The following CTNND2 variants were observed in gnomAD, a reference collection of about 807,000 sequenced individuals.
The protein encoded by CTNND2 is catenin delta 2.
A neutral mutation model predicts 144.4 loss-of-function variants in CTNND2; 22 were observed. That is an observed-to-expected ratio of 0.15 (90% CI 0.11 to 0.22). The LOEUF (loss-of-function observed/expected upper bound fraction) is 0.22, where lower values mean the gene tolerates loss of function less well. Ranked by LOEUF, CTNND2 falls within the 10% of genes least tolerant of loss-of-function variation. The pLI, the probability that CTNND2 is intolerant of heterozygous loss-of-function variation, is 1.00. For missense variants in CTNND2, 1,353 were observed against 1,618.8 expected, an observed-to-expected ratio of 0.84 and a Z score of 2.82; for synonymous variants, 751 against 695.6, an observed-to-expected ratio of 1.08 and a Z score of -1.25.
chr5:11,277,182 T>A (rs1746625550), intron 9 of CTNND2, among the ~76,000 whole-genome samples: 2 of 152,162 alleles, frequency 1.3e-5, no homozygotes, highest in South Asian at 4.1e-4. Context: ...AAAATATTTT[T>A]AAAATAATCT....
intron 1 of CTNND2, among the ~76,000 whole-genome samples, chr5:11,826,066 A>T (rs549238396): frequency 6.6e-6 from 1 of 152,238 alleles, no homozygotes; most frequent in African/African-American, 2.4e-5. Context: ...GTAGACTAGT[A>T]GAAACAGTAA....
At chr5:11,855,177 G>C (rs1023128529) in intron 1 of CTNND2, among the ~76,000 whole-genome samples, 3 of 152,172 alleles carry the variant, frequency 2.0e-5, no homozygotes, top group Non-Finnish European at 4.4e-5. Context: ...AGGATTTGTG[G>C]AAAAGGCTTC....
At chr5:11,851,115 C>G (rs1794990809) in intron 1 of CTNND2, among the ~76,000 whole-genome samples, 1 of 152,182 alleles carries the variant, frequency 6.6e-6, no homozygotes, top group African/African-American at 2.4e-5. Flanking sequence ...ACTGGCCTGT[C>G]CCACAGATTT....
At chr5:11,874,469 G>A (rs184020326) in intron 1 of CTNND2, among the ~76,000 whole-genome samples, 7 of 152,150 alleles carry the variant, frequency 4.6e-5, no homozygotes, top group East Asian at 1.9e-4. Flanking sequence ...TACCAGCATC[G>A]CTACTCTTGT....
At chr5:11,536,659 A>C (rs1037477020) in intron 3 of CTNND2, among the ~76,000 whole-genome samples, 1 of 152,064 alleles carries the variant, frequency 6.6e-6, no homozygotes, top group Non-Finnish European at 1.5e-5. Context: ...CTCACTTGCA[A>C]GTTGGAGTTA....
chr5:11,881,688 T>C (rs1220024047), intron 1 of CTNND2, among the ~76,000 whole-genome samples: 1 of 152,120 alleles, frequency 6.6e-6, no homozygotes, highest in Non-Finnish European at 1.5e-5. Context: ...TTGTGAATAG[T>C]GCTGCAATAA....
chr5:11,240,395 C>CAACACACACACCA (rs2149905659), intron 9 of CTNND2, among the ~76,000 whole-genome samples: 1 of 128,832 alleles, frequency 7.8e-6, no homozygotes, highest in East Asian at 2.6e-4. Flanking sequence ...CTCACACACC[C>CAACACACACACCA]AACACACACA....
At position 11,903,232 on chromosome 5, in the gene CTNND2, C is replaced by T. The variant is rs1265669383; in HGVS notation, c.37+585G>A. On this transcript the variant is annotated intron_variant, in intron 1 of 21. Transcript: ENST00000304623. This position sits in a 1 kb window ranked among gnomAD's most constrained non-coding sequence, Gnocchi z 5.4. Reference sequence around the variant, plus strand: ...TCTATTGTCAGCACGCAGAAGCCCCCGAAACCTGTGAAGCCGGCTGCAAAG... The same window carrying T: ...TCTATTGTCAGCACGCAGAAGCCCCTGAAACCTGTGAAGCCGGCTGCAAAG... 9 of 985,340 alleles carry T rather than the reference C, an allele frequency of 9.1e-6. No individual in the cohort carries two copies. The highest frequency in any genetic ancestry group is 1.2e-4 in the Admixed American group (2 of 16,266). The allele number at this position is 985,340 out of a possible 1,614,324, so 61.0% of individuals were successfully genotyped here.
In CTNND2 at chr5:11,744,054, G is replaced by A. The variant is rs570912778; in HGVS notation, c.38-11782C>T. On this transcript the variant is annotated intron_variant, in intron 1 of 21. Transcript: ENST00000304623. ...ACGGTGCTCCTCATACAGGGGAGAC[G>A]CCTAAGCAGCCAGGCTCTAGCAAAC... Among the ~76,000 whole-genome samples, 9 of 152,276 alleles carry A rather than the reference G, an allele frequency of 5.9e-5. No individual in the cohort carries two copies. In the East Asian group the frequency reaches 1.5e-3, roughly 26 times the overall value.
At chr5:11,480,031 T>C (rs1768103030) in intron 3 of CTNND2, among the ~76,000 whole-genome samples, 1 of 152,206 alleles carries the variant, frequency 6.6e-6, no homozygotes, top group Admixed American at 6.5e-5. Context: ...CATTTGCCAA[T>C]TTTTGCTTTT....
chr5:11,356,745 T>C (rs771064308), intron 8 of CTNND2, among the ~76,000 whole-genome samples: 1 of 151,586 alleles, frequency 6.6e-6, no homozygotes, highest in Non-Finnish European at 1.5e-5. Context: ...GAAGACAATC[T>C]ATAGAATGCG....
chr5:11,662,263 G>GTATATATATACATATATA lies in CTNND2; in HGVS notation c.174+69872_174+69873insTATATATGTATATATATA, dbSNP rs1380327036. ...TATATACATATATGTGTGTATATAT[G>GTATATATATACATATATA]TGTGTGTGTGTATATATATATATAT... is the stretch of plus-strand genomic sequence containing the variant. On this transcript the variant is annotated intron_variant, in intron 2 of 21. Transcript: ENST00000304623. Among the ~76,000 whole-genome samples the GTATATATATACATATATA allele has an allele frequency of 9.6e-3, 1,179 of 123,000 alleles. 8 individuals are homozygous for GTATATATATACATATATA. The highest frequency in any genetic ancestry group is 0.015 in the Non-Finnish European group (921 of 60,644). The allele number at this position is 123,000 out of a possible 152,430, so 80.7% of individuals were successfully genotyped here.
At chr5:11,042,420 G>A (rs904136174) in intron 16 of CTNND2, among the ~76,000 whole-genome samples, 5 of 152,172 alleles carry the variant, frequency 3.3e-5, no homozygotes, top group Admixed American at 1.3e-4. Context: ...AGAGGACTTC[G>A]TAAACTAGAG....
intron 8 of CTNND2, among the ~76,000 whole-genome samples, chr5:11,348,437 C>CAAAAAAAAAAAAAAAAAAAA (rs3034056): frequency 3.5e-5 from 4 of 114,718 alleles, no homozygotes; most frequent in Admixed American, 9.3e-5. Context: ...AAATCAAGGG[C>CAAAAAAAAAAAAAAAAAAAA]AAAAAAAAAA....
At chr5:11,632,758 T>C (rs1781479361) in intron 2 of CTNND2, among the ~76,000 whole-genome samples, 1 of 152,084 alleles carries the variant, frequency 6.6e-6, no homozygotes, top group African/African-American at 2.4e-5. Context: ...AAGGAATATA[T>C]TATGATGACT....
rs61749842 is a variant in CTNND2, at chr5:11,385,527, G to A, written c.613-298C>T. Among the ~76,000 whole-genome samples the A allele has an allele frequency of 2.7e-3, 415 of 152,284 alleles. 3 individuals carry two copies. Among genetic ancestry groups the A allele is most frequent in the African/African-American group, 9.6e-3 (398 of 41,562 alleles). ...TTATTTCGGAAATAGCAGAAGCATCGCATTAGTCACATAAAGATTTTTAAA... is the reference window on the plus strand; with the variant it reads ...TTATTTCGGAAATAGCAGAAGCATCACATTAGTCACATAAAGATTTTTAAA... On this transcript the variant is annotated intron_variant, in intron 6 of 21. Transcript: ENST00000304623.
intron 1 of CTNND2, among the ~76,000 whole-genome samples, chr5:11,871,452 T>TA (rs1231689685): frequency 4.6e-5 from 7 of 152,098 alleles, no homozygotes; most frequent in African/African-American, 1.4e-4. Context: ...CTTGGAATAA[T>TA]AAAAAAGTGC....
chr5:11,261,271 G>T (rs565713672), intron 9 of CTNND2, among the ~76,000 whole-genome samples: 3 of 152,134 alleles, frequency 2.0e-5, no homozygotes, highest in Admixed American at 2.0e-4. Flanking sequence ...ATCGGTCTAG[G>T]CCAGATCTCT....
At chr5:11,546,304 A>G (rs1411623146) in intron 3 of CTNND2, among the ~76,000 whole-genome samples, 1 of 152,078 alleles carries the variant, frequency 6.6e-6, no homozygotes. Context: ...TTTTTCTAAA[A>G]AAAGCCCTGC....
Sources: gnomAD v4.1 joint callset for allele counts (sites outside exome capture counted in the v4.1 genomes callset) on GRCh38, gnomAD v4.1.1 for gene constraint, Gnocchi (gnomAD v3.1) non-coding constraint, MANE v1.5 for transcripts, NCBI Gene and HGNC (gene_info 2026-07-23, HGNC 2026-07-21) for gene names.